TMEM201: variants seen among roughly 807,000 people sequenced by gnomAD.
The protein encoded by TMEM201 is RP13-15M17.2.
In TMEM201, 26 loss-of-function variants were observed where a neutral mutation model predicts 63.4. The ratio of observed to expected loss-of-function variants is 0.41; its 90% CI spans 0.30 to 0.57. TMEM201 has a LOEUF of 0.57. Ranked by LOEUF, TMEM201 falls within the 20% of genes least tolerant of loss-of-function variation. The pLI is 0.29. For missense variants in TMEM201, 794 were observed against 917.7 expected (o/e 0.87, Z 1.74); for synonymous variants, 417 against 421.6 (o/e 0.99, Z 0.14).
chr1:9,594,553 G>T (rs1171985487), intron 1 of TMEM201, among the ~76,000 whole-genome samples: 1 of 152,236 alleles, frequency 6.6e-6, no homozygotes, highest in East Asian at 1.9e-4. Flanking sequence ...AGGTGCTTTT[G>T]TCCCCAGCTG....
Position 9,607,758 on chromosome 1 carries a change from T to C in TMEM201, c.1362T>C (p.Ser454=). The part of the protein sequence containing the change: ...SLPGRLSRAL[S]LGTIPSLTRA... ...CTGGCCGCCTCAGCCGGGCCCTCTC[T>C]CTGGGAACCATACCCTCTCTGACTC... The change falls in exon 7 of 11, where the codon TCT becomes TCC. Residue 454 remains serine, a synonymous_variant. Transcript: ENST00000340381. The surrounding 1 kb of genome is among the most constrained non-coding windows in gnomAD (Gnocchi z 5.4). 6.4e-7 allele frequency: 1 copy of C among 1,551,618 alleles called. No homozygotes were observed. The highest frequency in any genetic ancestry group is 8.7e-7 in the Non-Finnish European group (1 of 1,147,032).
rs1252034248 is a variant in TMEM201, at chr1:9,605,020, G to A, written c.1161-2537G>A. On this transcript the variant is annotated intron_variant, in intron 6 of 10. Coordinates refer to ENST00000340381, the MANE Select transcript of TMEM201 (RefSeq NM_001130924.3). This position sits in a 1 kb window ranked among gnomAD's most constrained non-coding sequence, Gnocchi z 5.7. ...CAGAAGGGCTCTGTGCCAGGGCTGGGGTGGGCAGCTGTGTTTGGGGTACAG... is the reference window on the plus strand; with the variant it reads ...CAGAAGGGCTCTGTGCCAGGGCTGGAGTGGGCAGCTGTGTTTGGGGTACAG... 1.0e-6 allele frequency: 1 copy of A among 985,618 alleles called. No individual in the cohort carries two copies. The highest frequency in any genetic ancestry group is 1.2e-6 in the Non-Finnish European group (1 of 829,960). The allele number at this position is 985,618 out of a possible 1,614,324, so 61.1% of individuals were successfully genotyped here.
Position 9,610,884 on chromosome 1 carries a change from G to A in TMEM201, c.1765+79G>A, listed in dbSNP as rs1644315565. The A allele has an allele frequency of 6.7e-7, 1 of 1,486,994 alleles. No individual in the cohort carries two copies. Among genetic ancestry groups the A allele is most frequent in the Non-Finnish European group, 9.0e-7 (1 of 1,114,020 alleles). The allele number at this position is 1,486,994 out of a possible 1,614,324, so 92.1% of individuals were successfully genotyped here. A position where few individuals can be genotyped will look rare whatever the true frequency, so the allele number is the denominator to read the frequency against. ...GGCCTGGCTGTGCGGCGGTGGGGGGGCTCATCCTTGCTCTGACTCCGGTGT... is the reference window on the plus strand; with the variant it reads ...GGCCTGGCTGTGCGGCGGTGGGGGGACTCATCCTTGCTCTGACTCCGGTGT... On this transcript the variant is annotated intron_variant, in intron 9 of 10. Transcript: ENST00000340381. This position sits in a 1 kb window ranked among gnomAD's most constrained non-coding sequence, Gnocchi z 4.9.
intron 10 of TMEM201, 118 bp downstream of exon 10, chr1:9,612,008 G>A (rs1644331025): frequency 4.8e-6 from 6 of 1,260,088 alleles, no homozygotes; most frequent in South Asian, 3.2e-5. Flanking sequence ...CAGTCCCTGA[G>A]TGGCCGACAA....
At position 9,613,457 on chromosome 1, in the gene TMEM201, G is replaced by T; in HGVS notation, c.*374G>T. ...AACTGCAGCAGGAGCTGCCCGGCCT[G>T]CCTTCTGGCCCCACGCCCACAGGCG... On this transcript the variant is annotated 3_prime_UTR_variant, in exon 11 of 11. Coordinates refer to ENST00000340381, the MANE Select transcript of TMEM201 (RefSeq NM_001130924.3). 1 of 288,808 alleles carries T rather than the reference G, an allele frequency of 3.5e-6. No homozygotes were observed. The highest frequency in any genetic ancestry group is 6.6e-6 in the Non-Finnish European group (1 of 151,082). 17.9% of individuals were successfully genotyped at this position (288,808 alleles called of 1,614,324 possible).
In TMEM201 at chr1:9,604,690, C is replaced by G; in HGVS notation, c.1160+2418C>G. 1 of 985,906 alleles carries G rather than the reference C, an allele frequency of 1.0e-6. No individual in the cohort carries two copies. Among genetic ancestry groups the G allele is most frequent in the Non-Finnish European group, 1.2e-6 (1 of 830,022 alleles). The allele number at this position is 985,906 out of a possible 1,614,324, so 61.1% of individuals were successfully genotyped here. A position where few individuals can be genotyped will look rare whatever the true frequency, so the allele number is the denominator to read the frequency against. On this transcript the variant is annotated intron_variant, in intron 6 of 10. Transcript: ENST00000340381. The surrounding 1 kb of genome is among the most constrained non-coding windows in gnomAD (Gnocchi z 4.1). ...CTCAGACTTGAGGTCCCCACCCAGG[C>G]CAAGCCGGCCCCCCGTACCCCTTGC...
chr1:9,604,107 C>T lies in TMEM201; in HGVS notation c.1160+1835C>T, dbSNP rs1461587826. The T allele has an allele frequency of 3.0e-6, 3 of 985,332 alleles. No homozygotes were observed. In the African/African-American group the frequency reaches 5.2e-5, roughly 17 times the overall value. 61.0% of individuals were successfully genotyped at this position (985,332 alleles called of 1,614,324 possible). On this transcript the variant is annotated intron_variant, in intron 6 of 10. Transcript: ENST00000340381. The surrounding 1 kb of genome is among the most constrained non-coding windows in gnomAD (Gnocchi z 4.1). Reference sequence around the variant, plus strand: ...TGGTGGAGCCAGGACGGGAAAGCGTCCTGTCGGCTGGCCATGCTGTTGCTT... The same window carrying T: ...TGGTGGAGCCAGGACGGGAAAGCGTTCTGTCGGCTGGCCATGCTGTTGCTT...
Position 9,608,909 on chromosome 1 carries a change from C to CG in TMEM201, c.1394-925dup, listed in dbSNP as rs1179706615. 3.9e-5 allele frequency among the ~76,000 whole-genome samples: 6 copies of CG among 152,170 alleles called. No homozygotes were observed. The highest frequency in any genetic ancestry group is 3.3e-4 in the Admixed American group (5 of 15,280). ...CCCAGTCTCCATTACCAGAGTGGGT[C>CG]GGGGGGAGGAGCCCGGTCTCCATCG... On this transcript the variant is annotated intron_variant, in intron 7 of 10. Transcript: ENST00000340381. This position sits in a 1 kb window ranked among gnomAD's most constrained non-coding sequence, Gnocchi z 4.3.
intron 1 of TMEM201, among the ~76,000 whole-genome samples, chr1:9,595,465 G>A (rs531984743): frequency 1.3e-5 from 2 of 152,194 alleles, no homozygotes; most frequent in East Asian, 3.9e-4. Context: ...TGGGGGAGGG[G>A]TGGTCCTCGA....
Position 9,610,375 on chromosome 1 carries a change from C to G in TMEM201, c.1466-131C>G. ...CTTCAGCTTTGCAGCAGGACTTCCC[C>G]CTGTCCCCAGTCTCTGCACCTTTCC... is the stretch of plus-strand genomic sequence containing the variant. On this transcript the variant is annotated intron_variant, in intron 8 of 10. Coordinates refer to ENST00000340381, the MANE Select transcript of TMEM201 (RefSeq NM_001130924.3). This position sits in a 1 kb window ranked among gnomAD's most constrained non-coding sequence, Gnocchi z 4.9. The G allele has an allele frequency of 1.0e-6, 1 of 961,296 alleles. No individual in the cohort carries two copies. Among genetic ancestry groups the G allele is most frequent in the Non-Finnish European group, 1.5e-6 (1 of 666,708 alleles). 59.5% of individuals were successfully genotyped at this position (961,296 alleles called of 1,614,324 possible).
rs1379291821 is a variant in TMEM201, at chr1:9,602,077, G to T, written c.965G>T (p.Arg322Met). The T allele has an allele frequency of 6.2e-7, 1 of 1,611,436 alleles. No individual in the cohort carries two copies. Among genetic ancestry groups the T allele is most frequent in the African/African-American group, 1.3e-5 (1 of 75,020 alleles). Residue 322 changes from arginine to methionine, a missense_variant, in exon 6 of 11, where the codon AGG (arginine) becomes ATG (methionine). Transcript: ENST00000340381. ...MLLAGRIRLRRIDAFCTCLWA... is the reference protein window; with the variant it reads ...MLLAGRIRLRMIDAFCTCLWA... ...CGCTGCTTCCCTTTCAGGCTCCGGA[G>T]GATCGATGCCTTCTGCACCTGCCTG...
At chr1:9,594,239 T>G (rs1446077991) in intron 1 of TMEM201, among the ~76,000 whole-genome samples, 1 of 152,246 alleles carries the variant, frequency 6.6e-6, no homozygotes, top group East Asian at 1.9e-4. Flanking sequence ...TGGCTCCGTT[T>G]CGTCGCTGGT....
At chr1:9,602,821 TC>T (rs1391234610) in intron 6 of TMEM201, 1 of 986,586 alleles carries the variant, frequency 1.0e-6, no homozygotes, top group Non-Finnish European at 1.2e-6. Context: ...CTGTGGTCTG[TC>T]CCCTTGGTCC....
At chr1:9,594,207 C>T (rs190024187) in intron 1 of TMEM201, among the ~76,000 whole-genome samples, 3 of 152,380 alleles carry the variant, frequency 2.0e-5, no homozygotes, top group South Asian at 2.1e-4. Flanking sequence ...ATGCCTGTTG[C>T]CATACTGCCT....
At chr1:9,600,656 C>T (rs1333156183) in intron 4 of TMEM201, among the ~76,000 whole-genome samples, 43 of 152,106 alleles carry the variant, frequency 2.8e-4, no homozygotes. Flanking sequence ...CGGTGGCTCA[C>T]ACCTGTAATC....
Position 9,602,991 on chromosome 1 carries a change from T to C in TMEM201, c.1160+719T>C, listed in dbSNP as rs1644175935. Reference sequence around the variant, plus strand: ...CCCAGCCTGGCCTTCGCCATGAGTTTGGGGAGCGAGACCCCACCTGAGACA... The same window carrying C: ...CCCAGCCTGGCCTTCGCCATGAGTTCGGGGAGCGAGACCCCACCTGAGACA... On this transcript the variant is annotated intron_variant, in intron 6 of 10. Transcript: ENST00000340381. 7 of 985,448 alleles carry C rather than the reference T, an allele frequency of 7.1e-6. No individual in the cohort carries two copies. The South Asian group carries it at 2.8e-4, about 40-fold the overall frequency. The allele number at this position is 985,448 out of a possible 1,614,324, so 61.0% of individuals were successfully genotyped here. A position where few individuals can be genotyped will look rare whatever the true frequency, so the allele number is the denominator to read the frequency against.
rs1302608667 is a variant in TMEM201, at chr1:9,605,926, TCAC to T, written c.1161-1630_1161-1628del. Among the ~76,000 whole-genome samples the T allele has an allele frequency of 6.6e-6, 1 of 152,146 alleles. No homozygotes were observed. The highest frequency in any genetic ancestry group is 1.5e-5 in the Non-Finnish European group (1 of 68,010). On this transcript the variant is annotated intron_variant, in intron 6 of 10. Coordinates refer to ENST00000340381, the MANE Select transcript of TMEM201 (RefSeq NM_001130924.3). This position sits in a 1 kb window ranked among gnomAD's most constrained non-coding sequence, Gnocchi z 5.7. ...CACATCCCCCAACGGTACTCTCAGG[TCAC>T]TGGGGGACCTGGTCACCCTTGGCTG...
Position 9,598,496 on chromosome 1 carries a change from G to T in TMEM201, c.477G>T (p.Gln159His). ...EVEVYRHHLEQMYKLCRPCQA... is the reference protein window; with the variant it reads ...EVEVYRHHLEHMYKLCRPCQA... The stretch of plus-strand genomic sequence containing the variant: ...AGGTGTACCGGCATCACCTGGAGCA[G>T]ATGTACAAGCTGTGCCGGCCGTGCC... The change falls in exon 4 of 11, where the codon CAG (glutamine) becomes CAT (histidine). Residue 159 changes from glutamine (Q) to histidine (H), a missense_variant. Gln to His is a conservative substitution (Grantham distance 24). Coordinates refer to ENST00000340381, the MANE Select transcript of TMEM201 (RefSeq NM_001130924.3). The T allele has an allele frequency of 6.2e-7, 1 of 1,614,012 alleles. No individual in the cohort carries two copies. The highest frequency in any genetic ancestry group is 8.5e-7 in the Non-Finnish European group (1 of 1,180,010).
chr1:9,595,573 G>A (rs1229632993), intron 1 of TMEM201, among the ~76,000 whole-genome samples: 1 of 152,098 alleles, frequency 6.6e-6, no homozygotes, highest in African/African-American at 2.4e-5. Flanking sequence ...CTGGGTCCCC[G>A]TGCGGCCGCA....
Sources: allele counts gnomAD v4.1 joint callset (sites outside exome capture counted in the v4.1 genomes callset), GRCh38; gene constraint gnomAD v4.1.1; non-coding constraint Gnocchi (gnomAD v3.1); transcripts MANE v1.5; gene names NCBI Gene and HGNC (gene_info 2026-07-23, HGNC 2026-07-21).